TBC1D5: variants seen among roughly 807,000 people sequenced by gnomAD.
The protein encoded by TBC1D5 is TBC1 domain family, member 5.
TBC1D5 carries 75 observed loss-of-function variants against 100.3 expected under a neutral mutation model. That is an observed-to-expected ratio of 0.75 (90% CI 0.62 to 0.91). The LOEUF is 0.91. Ranked by LOEUF, TBC1D5 falls within the 40% of genes least tolerant of loss-of-function variation. The pLI is 0.00. For synonymous variants in TBC1D5, 323 were observed against 325.6 expected (o/e 0.99, Z 0.09); for missense variants, 910 against 942.4 (o/e 0.97, Z 0.45).
chr3:17,270,286 T>G (rs2079262003), intron 15 of TBC1D5, among the ~76,000 whole-genome samples: 2 of 152,190 alleles, frequency 1.3e-5, no homozygotes, highest in African/African-American at 4.8e-5. Context: ...GACACTTGTA[T>G]GTTTTCTTTT....
chr3:17,384,159 G>A, intron 8 of TBC1D5, 144 bp from the exon 9 acceptor site: 1 of 585,318 alleles, frequency 1.7e-6, no homozygotes, highest in Non-Finnish European at 2.9e-6. Flanking sequence ...CTTTAGTGGG[G>A]ACTGAAAAAG....
rs746289820 is a variant in TBC1D5, at chr3:17,583,388, CA to C, written c.-36+40460del. Among the ~76,000 whole-genome samples the C allele has an allele frequency of 4.4e-3, 630 of 143,892 alleles. 4 individuals carry two copies. The highest frequency in any genetic ancestry group is 7.0e-3 in the Middle Eastern group (2 of 284). The allele number at this position is 143,892 out of a possible 152,430, so 94.4% of individuals were successfully genotyped here. On this transcript the variant is annotated intron_variant, in intron 2 of 21. Coordinates refer to ENST00000253692, the Ensembl canonical transcript of TBC1D5. ...CGGTATCATAAGATTTCCTGATAAT[CA>C]AAAAAAAAAATGGAAAATAGTAAGT...
At chr3:17,490,822 A>G (rs1035045334) in intron 3 of TBC1D5, among the ~76,000 whole-genome samples, 1 of 152,122 alleles carries the variant, frequency 6.6e-6, no homozygotes, top group African/African-American at 2.4e-5. Context: ...ATGAATTTTA[A>G]AAGTTTTTTC....
At chr3:17,267,319 T>G (rs2078952871) in intron 15 of TBC1D5, among the ~76,000 whole-genome samples, 1 of 152,106 alleles carries the variant, frequency 6.6e-6, no homozygotes, top group Non-Finnish European at 1.5e-5. Flanking sequence ...AATATGTCTT[T>G]TAGATAACTG....
chr3:17,191,251 T>C (rs1266171790), intron 18 of TBC1D5, among the ~76,000 whole-genome samples: 1 of 152,210 alleles, frequency 6.6e-6, no homozygotes, highest in Non-Finnish European at 1.5e-5. Context: ...AGCAAAGTTC[T>C]TTGAGCCTCA....
At chr3:17,256,386 A>T (rs1053338941) in intron 16 of TBC1D5, among the ~76,000 whole-genome samples, 9 of 135,936 alleles carry the variant, frequency 6.6e-5, no homozygotes, top group African/African-American at 1.8e-4. Context: ...CAATGTGTTT[A>T]TATATATATA....
chr3:17,583,057 G>A (rs182677294), intron 2 of TBC1D5, among the ~76,000 whole-genome samples: 23 of 152,234 alleles, frequency 1.5e-4, no homozygotes, highest in Non-Finnish European at 2.6e-4. Context: ...GACCAACGTA[G>A]GTGGATCACT....
chr3:17,694,318 G>C (rs1234546271), intron 1 of TBC1D5, among the ~76,000 whole-genome samples: 1 of 152,140 alleles, frequency 6.6e-6, no homozygotes, highest in Non-Finnish European at 1.5e-5. Flanking sequence ...GAGCATGTTT[G>C]AACACATCGC....
chr3:17,267,822 C>T (rs940880085), intron 15 of TBC1D5, among the ~76,000 whole-genome samples: 4 of 152,202 alleles, frequency 2.6e-5, no homozygotes, highest in African/African-American at 7.2e-5. Flanking sequence ...CTTTGCACAG[C>T]CACACTTTTA....
chr3:17,634,586 G>C (rs2063750543), intron 1 of TBC1D5, among the ~76,000 whole-genome samples: 1 of 146,734 alleles, frequency 6.8e-6, no homozygotes, highest in African/African-American at 2.5e-5. Context: ...GGGAAGCGTA[G>C]CAGGAAGGAA....
intron 1 of TBC1D5, among the ~76,000 whole-genome samples, chr3:17,705,033 G>T (rs1197566872): frequency 1.5e-5 from 2 of 129,894 alleles, no homozygotes; most frequent in East Asian, 2.6e-4. Flanking sequence ...CGGACGGGGC[G>T]GCTGGCCAGG....
chr3:17,693,509 A>T (rs1316902062), intron 1 of TBC1D5, among the ~76,000 whole-genome samples: 1 of 152,182 alleles, frequency 6.6e-6, no homozygotes, highest in African/African-American at 2.4e-5. Flanking sequence ...TTGAACCACG[A>T]GGCGGCAGCC....
intron 2 of TBC1D5, among the ~76,000 whole-genome samples, chr3:17,599,218 T>C (rs2060772198): frequency 6.6e-6 from 1 of 152,012 alleles, no homozygotes; most frequent in Admixed American, 6.5e-5. Flanking sequence ...CAGCCCCAAA[T>C]GAAAAGTTAT....
intron 17 of TBC1D5, among the ~76,000 whole-genome samples, chr3:17,230,546 T>C (rs2075324089): frequency 1.3e-5 from 2 of 152,118 alleles, no homozygotes. Context: ...CATATTTTAG[T>C]TTTACCTTAA....
In TBC1D5 at chr3:17,490,776, A is replaced by G. The variant is rs59918861; in HGVS notation, c.97+17698T>C. Among the ~76,000 whole-genome samples, 1,482 of 152,254 alleles carry G rather than the reference A, an allele frequency of 9.7e-3. 30 individuals are homozygous for G. Among genetic ancestry groups the G allele is most frequent in the African/African-American group, 0.035 (1,436 of 41,552 alleles). ...GCCTCTAGCATTGTTCTTTTTGCTT[A>G]GGATTGTCTTGGATATTTGGGCTTT... On this transcript the variant is annotated intron_variant, in intron 3 of 21. Coordinates refer to ENST00000253692, the Ensembl canonical transcript of TBC1D5.
At chr3:17,172,880 TAGTG>T (rs1405832852) in intron 19 of TBC1D5, among the ~76,000 whole-genome samples, 1 of 152,110 alleles carries the variant, frequency 6.6e-6, no homozygotes, top group Non-Finnish European at 1.5e-5. Context: ...GTGAGGGTGT[TAGTG>T]AGTAGAAAGG....
At chr3:17,278,997 T>C (rs1440820385) in intron 15 of TBC1D5, among the ~76,000 whole-genome samples, 1 of 152,210 alleles carries the variant, frequency 6.6e-6, no homozygotes, top group Admixed American at 6.5e-5. Flanking sequence ...GATAAAACAT[T>C]TCCAAATTAT....
chr3:17,283,771 A>G (rs1217931887), intron 15 of TBC1D5, among the ~76,000 whole-genome samples: 1 of 152,032 alleles, frequency 6.6e-6, no homozygotes, highest in Admixed American at 6.5e-5. Context: ...TTTATCCATC[A>G]GGTAAGACTG....
intron 18 of TBC1D5, among the ~76,000 whole-genome samples, chr3:17,206,808 AT>A (rs1213660331): frequency 6.6e-6 from 1 of 152,220 alleles, no homozygotes; most frequent in Non-Finnish European, 1.5e-5. Context: ...GGTATGTATT[AT>A]AATTATTACA....
Sources: allele counts gnomAD v4.1 joint callset (sites outside exome capture counted in the v4.1 genomes callset), GRCh38; gene constraint gnomAD v4.1.1; transcripts MANE v1.5; gene names NCBI Gene and HGNC (gene_info 2026-07-23, HGNC 2026-07-21).